Variants in KIF16B observed in about 807,000 individuals in gnomAD.
KIF16B encodes the protein kinesin-like protein KIF16B.
A neutral mutation model predicts 156.3 loss-of-function variants in KIF16B; 98 were observed. That is an observed-to-expected ratio of 0.63 (90% CI 0.53 to 0.74). KIF16B has a LOEUF of 0.74. KIF16B is among the 30% of genes least tolerant of loss of function. KIF16B has a pLI of 0.00. For synonymous variants in KIF16B, 564 were observed against 583.7 expected (o/e 0.97, Z 0.49); for missense variants, 1,421 against 1,606.5 (o/e 0.88, Z 1.97).
At chr20:16,318,852 G>A (rs1428183275) in intron 24 of KIF16B, among the ~76,000 whole-genome samples, 1 of 151,954 alleles carries the variant, frequency 6.6e-6, no homozygotes, top group Non-Finnish European at 1.5e-5. Flanking sequence ...CCCCACTCCT[G>A]AAATGTGTGC....
chr20:16,532,009 A>T (rs2069771557), intron 1 of KIF16B, among the ~76,000 whole-genome samples: 1 of 151,020 alleles, frequency 6.6e-6, no homozygotes, highest in Non-Finnish European at 1.5e-5. Context: ...CGGAGGTTAC[A>T]GTAAGCCGAG....
At chr20:16,367,435 G>T in intron 22 of KIF16B, 2 of 1,612,856 alleles carry the variant, frequency 1.2e-6, no homozygotes, top group Non-Finnish European at 1.7e-6. Flanking sequence ...ATCAAATTGT[G>T]CACCCGGAGG....
intron 22 of KIF16B, among the ~76,000 whole-genome samples, chr20:16,361,269 G>A (rs910740271): frequency 6.6e-5 from 10 of 152,130 alleles, no homozygotes; most frequent in Non-Finnish European, 1.3e-4. Flanking sequence ...GGAGATTTGG[G>A]GAAAGAGACG....
At chr20:16,336,041 A>G (rs1475155196) in intron 23 of KIF16B, 26 bp from the exon 24 acceptor site, 1 of 1,382,758 alleles carries the variant, frequency 7.2e-7, no homozygotes, top group Non-Finnish European at 1.0e-6. Flanking sequence ...ACCAAAATGA[A>G]TAAGCATTAA....
chr20:16,321,435 G>A (rs2063771841), intron 24 of KIF16B, among the ~76,000 whole-genome samples: 1 of 152,024 alleles, frequency 6.6e-6, no homozygotes, highest in South Asian at 2.1e-4. Context: ...GTATAATCTG[G>A]AGCAATGTAT....
At chr20:16,374,857 G>C (rs1474174826) in intron 19 of KIF16B, among the ~76,000 whole-genome samples, 2 of 152,204 alleles carry the variant, frequency 1.3e-5, no homozygotes, top group African/African-American at 4.8e-5. Context: ...AGCCATGGCA[G>C]TTCTAAGTTG....
chr20:16,485,521 T>C (rs2068089047), intron 12 of KIF16B, among the ~76,000 whole-genome samples: 1 of 152,110 alleles, frequency 6.6e-6, no homozygotes, highest in Non-Finnish European at 1.5e-5. Flanking sequence ...GAATTTATAA[T>C]TTAACTGAGA....
intron 24 of KIF16B, among the ~76,000 whole-genome samples, chr20:16,314,270 T>C (rs1199335874): frequency 7.2e-5 from 11 of 152,376 alleles, no homozygotes; most frequent in Middle Eastern, 6.8e-3. Flanking sequence ...TTTAAATTCG[T>C]TGTCTGCCTT....
chr20:16,361,324 A>C (rs1000709755), intron 22 of KIF16B, among the ~76,000 whole-genome samples: 2 of 152,242 alleles, frequency 1.3e-5, no homozygotes, highest in African/African-American at 4.8e-5. Context: ...TTATAGCCTC[A>C]AACATCAGCC....
At chr20:16,291,484 C>CT in intron 25 of KIF16B, among the ~76,000 whole-genome samples, 1 of 152,216 alleles carries the variant, frequency 6.6e-6, no homozygotes, top group Non-Finnish European at 1.5e-5. Context: ...GTCATCAAAA[C>CT]TTTTAGGACG....
rs1418931808 is a variant in KIF16B, at chr20:16,284,726, A to G, written c.3796-11315T>C. On this transcript the variant is annotated intron_variant, in intron 25 of 25. Transcript: ENST00000354981. ...TCATTCTTAGAATTCTCCCTACTAC[A>G]GAACTGTAGTTTGCCAATCCCTGGT... 2.0e-5 allele frequency among the ~76,000 whole-genome samples: 3 copies of G among 152,332 alleles called. No homozygotes were observed. The East Asian group carries it at 5.8e-4, about 29-fold the overall frequency.
At chr20:16,548,371 G>GT (rs769186246) in intron 1 of KIF16B, among the ~76,000 whole-genome samples, 20 of 152,324 alleles carry the variant, frequency 1.3e-4, no homozygotes, top group Non-Finnish European at 2.8e-4. Flanking sequence ...TTTCAGAGCT[G>GT]TATCTTGTAG....
chr20:16,406,812 C>G (rs1308251581), intron 15 of KIF16B, among the ~76,000 whole-genome samples: 1 of 152,086 alleles, frequency 6.6e-6, no homozygotes, highest in Non-Finnish European at 1.5e-5. Context: ...GATATAATAT[C>G]AAGCAAAGCA....
intron 1 of KIF16B, among the ~76,000 whole-genome samples, chr20:16,559,354 C>A (rs1339592598): frequency 1.3e-5 from 2 of 152,192 alleles, no homozygotes; most frequent in African/African-American, 4.8e-5. Context: ...CAGAGGTATT[C>A]TGGAGGAAAT....
At chr20:16,348,210 T>C (rs986808692) in intron 23 of KIF16B, among the ~76,000 whole-genome samples, 2 of 152,160 alleles carry the variant, frequency 1.3e-5, no homozygotes, top group African/African-American at 2.4e-5. Flanking sequence ...ACGACCATTA[T>C]CTCTAGGGCA....
chr20:16,508,755 G>A (rs1172405843), intron 6 of KIF16B, among the ~76,000 whole-genome samples: 1 of 152,130 alleles, frequency 6.6e-6, no homozygotes, highest in African/African-American at 2.4e-5. Flanking sequence ...TTTAAAAAAA[G>A]GTTAGCTATT....
intron 24 of KIF16B, 103 bp downstream of exon 24, chr20:16,335,823 T>G (rs1225076704): frequency 4.4e-6 from 3 of 684,436 alleles, no homozygotes; most frequent in African/African-American, 1.8e-5. Flanking sequence ...AGCTAGTATC[T>G]GAAAGAGAGA....
chr20:16,278,565 A>AG, intron 25 of KIF16B, among the ~76,000 whole-genome samples: 1 of 152,306 alleles, frequency 6.6e-6, no homozygotes, highest in South Asian at 2.1e-4. Flanking sequence ...TTTGTTGCTC[A>AG]GGGGCAGTGA....
At chr20:16,446,232 A>G (rs114547710) in intron 12 of KIF16B, among the ~76,000 whole-genome samples, 58 of 152,384 alleles carry the variant, frequency 3.8e-4, no homozygotes, top group African/African-American at 1.4e-3. Context: ...GGTGAATTCA[A>G]AAGTTTAGAA....
Sources: gnomAD v4.1 joint callset for allele counts (sites outside exome capture counted in the v4.1 genomes callset) on GRCh38, gnomAD v4.1.1 for gene constraint, MANE v1.5 for transcripts, NCBI Gene and HGNC (gene_info 2026-07-23, HGNC 2026-07-21) for gene names.